The following LRRC34 variants were observed in gnomAD, a reference collection of about 807,000 sequenced individuals.
The protein encoded by LRRC34 is leucine-rich repeat-containing protein 34.
LRRC34 carries 44 observed loss-of-function variants against 48.5 expected under a neutral mutation model. That is an observed-to-expected ratio of 0.91 (90% CI 0.71 to 1.17). The LOEUF is 1.17. Among genes scored for constraint, LRRC34 ranks in the 50% most tolerant of loss-of-function variants. LRRC34 has a pLI of 0.00. For missense variants in LRRC34, 502 were observed against 563.0 expected (o/e 0.89, Z 1.10); for synonymous variants, 192 against 197.6 (o/e 0.97, Z 0.24).
rs1778877108 is a variant in LRRC34 at position 169,793,700 on chromosome 3, C to T, written c.1330G>A (p.Gly444Arg). 9 of 1,613,674 alleles carry T rather than the reference C, an allele frequency of 5.6e-6. No individual in the cohort carries two copies. The highest frequency in any genetic ancestry group is 6.8e-6 in the Non-Finnish European group (8 of 1,179,864). ...TTAGATGAGTGGTCATAAGATTCTCCATAAGTTGATGTCCAATAATAATGC... is the reference window on the plus strand; with the variant it reads ...TTAGATGAGTGGTCATAAGATTCTCTATAAGTTGATGTCCAATAATAATGC... The part of the protein sequence containing the change: ...KKHYYWTSTY[G>R]ESYDHSSNAG... The change falls in exon 11 of 11, where the codon GGA (glycine) becomes AGA (arginine). Residue 444 changes from glycine (G) to arginine (R), a missense_variant. By Grantham distance (125) the Gly-to-Arg change is moderately radical. Transcript: ENST00000446859.
Position 169,812,524 on chromosome 3 carries a change from C to G in LRRC34, c.25G>C (p.Val9Leu). 4 of 1,510,462 alleles carry G rather than the reference C, an allele frequency of 2.6e-6. No homozygotes were observed. Among genetic ancestry groups the G allele is most frequent in the Non-Finnish European group, 3.5e-6 (4 of 1,137,276 alleles). The allele number at this position is 1,510,462 out of a possible 1,614,324, so 93.6% of individuals were successfully genotyped here. ...GAGCTCCCCATGCTCCTCTCACCCA[C>G]TGGCCGCGGCGGCTGCGCTGCCATG... The part of the protein sequence containing the change: MAAQPPRP[V>L]GERSMGSSRE... The change falls in exon 1 of 11, where the codon GTG becomes CTG. Residue 9 changes from valine (V) to leucine (L), a missense_variant. Transcript: ENST00000446859. The surrounding 1 kb of genome is among the most constrained non-coding windows in gnomAD (Gnocchi z 4.3).
At chr3:169,806,178 G>A (rs756458457) in intron 5 of LRRC34, among the ~76,000 whole-genome samples, 1 of 152,032 alleles carries the variant, frequency 6.6e-6, no homozygotes, top group South Asian at 2.1e-4. Context: ...CAGTTCAATG[G>A]GAGAAAGAAT....
chr3:169,800,620 C>T (rs935747683), intron 7 of LRRC34, 39 bp downstream of exon 7: 45 of 1,296,668 alleles, frequency 3.5e-5, no homozygotes, highest in Non-Finnish European at 4.7e-5. Context: ...TAGTTTTATT[C>T]ATGTTGTTAT....
intron 1 of LRRC34, among the ~76,000 whole-genome samples, chr3:169,810,049 C>T (rs1293229508): frequency 2.6e-5 from 4 of 151,400 alleles, no homozygotes; most frequent in Middle Eastern, 3.4e-3. Context: ...CTCTGCCTCC[C>T]GGGTTCAAGC....
rs1778864519 is a variant in LRRC34, at chr3:169,793,402, G to A, written c.*233C>T. On this transcript the variant is annotated 3_prime_UTR_variant, in exon 11 of 11. Transcript: ENST00000446859. ...AAAAGAAATTTAGTCTAGTTCCTTG[G>A]TCTCTTTCTCCAGGGTTAGAATTTT... 2 of 375,632 alleles carry A rather than the reference G, an allele frequency of 5.3e-6. No individual in the cohort carries two copies. The highest frequency in any genetic ancestry group is 4.2e-5 in the Admixed American group (1 of 23,968). The allele number at this position is 375,632 out of a possible 1,614,324, so 23.3% of individuals were successfully genotyped here. A position where few individuals can be genotyped will look rare whatever the true frequency, so the allele number is the denominator to read the frequency against.
At chr3:169,800,547 G>A (rs1307494888) in intron 7 of LRRC34, 112 bp downstream of exon 7, 10 of 538,600 alleles carry the variant, frequency 1.9e-5, no homozygotes, top group Non-Finnish European at 3.1e-5. Context: ...ACAAGATATA[G>A]TAAGTACATC....
In LRRC34 at chr3:169,807,721, CAAAAAAAAAA is replaced by C. The variant is rs377198673; in HGVS notation, c.258-22_258-13del. On this transcript the variant is annotated splice_polypyrimidine_tract_variant and intron_variant, in intron 2 of 10. Coordinates refer to ENST00000446859, the MANE Select transcript of LRRC34 (RefSeq NM_001172779.2). ...TTCCTGCTGCTAGCCTGTTAAAATACAAAAAAAAAAAAAAAAAAAAAAGATTTTGAAATAG... is the reference window on the plus strand; with the variant it reads ...TTCCTGCTGCTAGCCTGTTAAAATACAAAAAAAAAAAAGATTTTGAAATAG... 13 of 883,700 alleles carry C rather than the reference CAAAAAAAAAA, an allele frequency of 1.5e-5. No individual in the cohort carries two copies. Among genetic ancestry groups the C allele is most frequent in the South Asian group, 1.2e-4 (3 of 24,164 alleles). 54.7% of individuals were successfully genotyped at this position (883,700 alleles called of 1,614,324 possible). A position where few individuals can be genotyped will look rare whatever the true frequency, so the allele number is the denominator to read the frequency against.
chr3:169,796,940 A>T, intron 7 of LRRC34, 41 bp from the exon 8 acceptor site: 1 of 1,432,898 alleles, frequency 7.0e-7, no homozygotes. Context: ...TATAATTTTG[A>T]AGTAGTACAT....
intron 9 of LRRC34, 67 bp downstream of exon 9, chr3:169,796,147 G>A: frequency 6.6e-7 from 1 of 1,507,820 alleles, no homozygotes; most frequent in Non-Finnish European, 8.8e-7. Context: ...AAGAGTTAAG[G>A]GGATTGAGGT....
intron 7 of LRRC34, among the ~76,000 whole-genome samples, chr3:169,798,497 A>G (rs1026713391): frequency 6.6e-6 from 1 of 152,186 alleles, no homozygotes; most frequent in Non-Finnish European, 1.5e-5. Context: ...GGGAACAGCA[A>G]TTTAAGAGCA....
At chr3:169,795,824 T>G in intron 9 of LRRC34, 1 of 1,232,336 alleles carries the variant, frequency 8.1e-7, no homozygotes, top group Non-Finnish European at 1.0e-6. Flanking sequence ...AGTCTTCTGT[T>G]TTATATTATT....
chr3:169,795,905 T>C (rs1042095829), intron 9 of LRRC34: 2 of 1,161,612 alleles, frequency 1.7e-6, no homozygotes, highest in African/African-American at 1.6e-5. Context: ...ATTCTTTAGT[T>C]CATTCTTACT....
chr3:169,812,545 C>A lies in LRRC34; in HGVS notation c.4G>T (p.Ala2Ser). 3.4e-6 allele frequency: 5 copies of A among 1,487,636 alleles called. No individual in the cohort carries two copies. The highest frequency in any genetic ancestry group is 2.7e-6 in the Non-Finnish European group (3 of 1,126,940). The allele number at this position is 1,487,636 out of a possible 1,614,324, so 92.2% of individuals were successfully genotyped here. A position where few individuals can be genotyped will look rare whatever the true frequency, so the allele number is the denominator to read the frequency against. Residue 2 changes from alanine to serine, a missense_variant, in exon 1 of 11, where the codon GCA becomes TCA. By Grantham distance (99) the Ala-to-Ser change is moderately conservative. Coordinates refer to ENST00000446859, the MANE Select transcript of LRRC34 (RefSeq NM_001172779.2). This position sits in a 1 kb window ranked among gnomAD's most constrained non-coding sequence, Gnocchi z 4.3. M[A>S]AQPPRPVGER... ...CCCACTGGCCGCGGCGGCTGCGCTG[C>A]CATGGCGACCGCGCGCGCACTTACA... is the stretch of plus-strand genomic sequence containing the variant.
chr3:169,795,642 A>G (rs775316671), intron 9 of LRRC34, 31 bp from the exon 10 acceptor site: 1 of 1,594,902 alleles, frequency 6.3e-7, no homozygotes, highest in East Asian at 2.3e-5. Flanking sequence ...AGGAAAGAAT[A>G]CAAAAATTAG....
At position 169,804,076 on chromosome 3, in the gene LRRC34, A is replaced by G. The variant is rs768168843; in HGVS notation, c.634T>C (p.Leu212=). Reference sequence around the variant, plus strand: ...ACCAGATCACAGTCACCCAGATCTAATTTCTCTAATGATGAATTAATTTGC... The same window carrying G: ...ACCAGATCACAGTCACCCAGATCTAGTTTCTCTAATGATGAATTAATTTGC... ...MLQINSSLEK[L]DLGDCDLGMQ... The change falls in exon 6 of 11, where the codon TTA becomes CTA. Residue 212 remains leucine, a synonymous_variant. Transcript: ENST00000446859. The G allele has an allele frequency of 1.3e-6, 2 of 1,591,774 alleles. No homozygotes were observed. The highest frequency in any genetic ancestry group is 2.3e-5 in the East Asian group (1 of 44,096).
intron 6 of LRRC34, among the ~76,000 whole-genome samples, chr3:169,802,324 G>A (rs1323972712): frequency 2.0e-5 from 3 of 152,170 alleles, no homozygotes; most frequent in Non-Finnish European, 2.9e-5. Flanking sequence ...CTATCTTAAT[G>A]TCTGTGCATG....
chr3:169,799,693 C>CATTGATTG (rs200802732), intron 7 of LRRC34, among the ~76,000 whole-genome samples: 1,528 of 151,950 alleles, frequency 0.01, 14 homozygotes, highest in Non-Finnish European at 0.016. Context: ...CAAACACTGA[C>CATTGATTG]ATTGATTGAT....
At chr3:169,793,955 T>C in intron 10 of LRRC34, 117 bp from the exon 11 acceptor site, 1 of 633,312 alleles carries the variant, frequency 1.6e-6, no homozygotes. Flanking sequence ...AAATAAAATA[T>C]TCTGAATAAC....
chr3:169,798,434 C>T (rs1013488487), intron 7 of LRRC34, among the ~76,000 whole-genome samples: 21 of 152,120 alleles, frequency 1.4e-4, no homozygotes, highest in African/African-American at 4.3e-4. Flanking sequence ...CATTCCTCCA[C>T]GGTAATAAAA....
Sources: allele counts gnomAD v4.1 joint callset (sites outside exome capture counted in the v4.1 genomes callset), GRCh38; gene constraint gnomAD v4.1.1; non-coding constraint Gnocchi (gnomAD v3.1); transcripts MANE v1.5; gene names NCBI Gene and HGNC (gene_info 2026-07-23, HGNC 2026-07-21).